Variants in XRCC1 observed in about 807,000 individuals in gnomAD.
XRCC1 encodes DNA repair protein XRCC1.
In XRCC1, 52 loss-of-function variants were observed where a neutral mutation model predicts 83.3. The ratio of observed to expected loss-of-function variants is 0.62; its 90% CI spans 0.50 to 0.79. XRCC1 has a LOEUF of 0.79. Among genes scored for constraint, XRCC1 ranks in the 30% least tolerant of loss-of-function variants. The pLI, the probability that XRCC1 is intolerant of heterozygous loss-of-function variation, is 0.00. For missense variants in XRCC1, 793 were observed against 823.5 expected, an observed-to-expected ratio of 0.96 and a Z score of 0.45; for synonymous variants, 281 against 312.6, an observed-to-expected ratio of 0.90 and a Z score of 1.07.
At position 43,560,998 on chromosome 19, in the gene XRCC1, T is replaced by C. The variant is rs749444876; in HGVS notation, c.167A>G (p.His56Arg). ...VLQLEKEEQI[H>R]SVDIGNDGSA... ...GCCATCATTCCCAATGTCCACACTGTGTATCTGCTCCTCCTTCTCCAACTG... is the reference window on the plus strand; with the variant it reads ...GCCATCATTCCCAATGTCCACACTGCGTATCTGCTCCTCCTTCTCCAACTG... Residue 56 changes from histidine to arginine, a missense_variant, in exon 3 of 17, where the codon CAC becomes CGC. His to Arg is a conservative substitution (Grantham distance 29, BLOSUM62 0). Coordinates refer to ENST00000262887, the MANE Select transcript of XRCC1 (RefSeq NM_006297.3). 1 of 1,614,030 alleles carries C rather than the reference T, an allele frequency of 6.2e-7. No homozygotes were observed. The highest frequency in any genetic ancestry group is 8.5e-7 in the Non-Finnish European group (1 of 1,180,016).
intron 3 of XRCC1, among the ~76,000 whole-genome samples, chr19:43,557,766 T>A (rs923762807): frequency 8.8e-6 from 1 of 113,398 alleles, no homozygotes; most frequent in East Asian, 2.8e-4. Context: ...CACTCCAGCC[T>A]GGGCAACAGG....
At chr19:43,550,741 C>T (rs1366241602) in intron 10 of XRCC1, among the ~76,000 whole-genome samples, 25 of 152,224 alleles carry the variant, frequency 1.6e-4, no homozygotes, top group Non-Finnish European at 8.8e-5. Flanking sequence ...GCTGACCTGA[C>T]CTTGTCTCCT....
rs200070339 is a variant in XRCC1 at position 43,545,817 on chromosome 19, C to T, written c.1621+1G>A. 6.2e-7 allele frequency: 1 copy of T among 1,613,538 alleles called. No individual in the cohort carries two copies. The highest frequency in any genetic ancestry group is 1.3e-5 in the African/African-American group (1 of 74,988). ...TCAGGAGGGATGGGGGGATTTCCCACCTGGGAGCTCAGGGACTGGCAGATC... is the reference window on the plus strand; with the variant it reads ...TCAGGAGGGATGGGGGGATTTCCCATCTGGGAGCTCAGGGACTGGCAGATC... On this transcript the variant is annotated splice_donor_variant, in intron 14 of 16. Transcript: ENST00000262887. LOFTEE classifies it high-confidence loss of function.
In XRCC1 at chr19:43,546,974, G is replaced by A; in HGVS notation, c.1203C>T (p.Tyr401=). 2 of 1,613,758 alleles carry A rather than the reference G, an allele frequency of 1.2e-6. No homozygotes were observed. Among genetic ancestry groups the A allele is most frequent in the Non-Finnish European group, 1.7e-6 (2 of 1,179,914 alleles). ...RMRRRLPSQR[Y]LMAGPGSSSE... The stretch of plus-strand genomic sequence containing the variant: ...TGCTGGAACCTGGCCCTGCCATGAG[G>A]TACCTAGGGGACAAATCGGGCCTCA... The change falls in exon 11 of 17, where the codon TAC becomes TAT. Residue 401 remains tyrosine (Y), a synonymous_variant. Transcript: ENST00000262887.
In XRCC1 at chr19:43,544,802, C is replaced by T. The variant is rs118133234; in HGVS notation, c.1622-568G>A. Reference sequence around the variant, plus strand: ...AGGACTACTGAGTAGCACACCACCACGCTCGGCTAATTTTTAAAATGTTTT... The same window carrying T: ...AGGACTACTGAGTAGCACACCACCATGCTCGGCTAATTTTTAAAATGTTTT... On this transcript the variant is annotated intron_variant, in intron 14 of 16. Transcript: ENST00000262887. Among the ~76,000 whole-genome samples the T allele has an allele frequency of 8.7e-4, 132 of 151,832 alleles. 1 individual carries two copies. The East Asian group carries it at 0.021, about 25-fold the overall frequency.
chr19:43,575,459 G>A lies in XRCC1; in HGVS notation c.-1C>T, dbSNP rs2307187. The A allele has an allele frequency of 0.015, 24,204 of 1,612,136 alleles. 271 individuals carry two copies. Among genetic ancestry groups the A allele is most frequent in the Middle Eastern group, 0.056 (339 of 6,052 alleles). On this transcript the variant is annotated 5_prime_UTR_variant, in exon 1 of 17. Transcript: ENST00000262887. ...CATGGCGGAGGCGGATCTCCGGCAT[G>A]TCAACGTCGTGGGCTTCGCCTGGCC...
At chr19:43,564,712 G>A (rs551891794) in intron 2 of XRCC1, among the ~76,000 whole-genome samples, 5 of 151,176 alleles carry the variant, frequency 3.3e-5, no homozygotes, top group South Asian at 2.1e-4. Flanking sequence ...TGCTTAAACC[G>A]GGGGGGCGGA....
chr19:43,546,986 C>T lies in XRCC1; in HGVS notation c.1200-9G>A. On this transcript the variant is annotated splice_polypyrimidine_tract_variant and intron_variant, in intron 10 of 16. Transcript: ENST00000262887. Reference sequence around the variant, plus strand: ...GCCCTGCCATGAGGTACCTAGGGGACAAATCGGGCCTCAGACAAACAGGCC... The same window carrying T: ...GCCCTGCCATGAGGTACCTAGGGGATAAATCGGGCCTCAGACAAACAGGCC... 1 of 1,613,030 alleles carries T rather than the reference C, an allele frequency of 6.2e-7. No individual in the cohort carries two copies. The highest frequency in any genetic ancestry group is 8.5e-7 in the Non-Finnish European group (1 of 1,179,544).
At chr19:43,550,085 C>T (rs1209925601) in intron 10 of XRCC1, among the ~76,000 whole-genome samples, 2 of 152,096 alleles carry the variant, frequency 1.3e-5, no homozygotes, top group Non-Finnish European at 2.9e-5. Flanking sequence ...CCCATCAAAC[C>T]TTCTGTGACT....
chr19:43,571,204 C>G (rs535264059), intron 2 of XRCC1, among the ~76,000 whole-genome samples: 6 of 152,280 alleles, frequency 3.9e-5, no homozygotes, highest in South Asian at 2.1e-4. Flanking sequence ...ACCTCATCTC[C>G]TACCTCTCTC....
intron 3 of XRCC1, among the ~76,000 whole-genome samples, chr19:43,558,106 T>A (rs1477455082): frequency 1.3e-5 from 2 of 152,224 alleles, no homozygotes; most frequent in Admixed American, 1.3e-4. Context: ...CTTGGGATTT[T>A]CTGCATAGAC....
intron 2 of XRCC1, among the ~76,000 whole-genome samples, chr19:43,569,816 C>G (rs948750770): frequency 2.0e-5 from 3 of 152,118 alleles, no homozygotes; most frequent in African/African-American, 7.2e-5. Flanking sequence ...TCATCTACAG[C>G]TACACTGAAC....
chr19:43,571,101 C>T (rs1329948313), intron 2 of XRCC1, among the ~76,000 whole-genome samples: 1 of 145,294 alleles, frequency 6.9e-6, no homozygotes, highest in Non-Finnish European at 1.5e-5. Context: ...CCTCCGGTGG[C>T]TCCTATCTCA....
chr19:43,556,646 A>G (rs146149866), intron 3 of XRCC1, among the ~76,000 whole-genome samples: 42 of 152,262 alleles, frequency 2.8e-4, no homozygotes, highest in African/African-American at 9.4e-4. Flanking sequence ...TCTACTAAAA[A>G]TACAAAATTT....
chr19:43,573,486 T>C (rs995007453), intron 2 of XRCC1, among the ~76,000 whole-genome samples: 49 of 150,456 alleles, frequency 3.3e-4, no homozygotes, highest in Non-Finnish European at 5.9e-5. Flanking sequence ...GGGAGAGGAG[T>C]GGATATTTGC....
intron 2 of XRCC1, among the ~76,000 whole-genome samples, chr19:43,563,077 G>A (rs1600056356): frequency 6.6e-6 from 1 of 152,352 alleles, no homozygotes; most frequent in South Asian, 2.1e-4. Context: ...GATGGTGCTG[G>A]AGGAAGGGCC....
At chr19:43,545,498 G>C (rs1972499146) in intron 14 of XRCC1, among the ~76,000 whole-genome samples, 1 of 152,186 alleles carries the variant, frequency 6.6e-6, no homozygotes, top group Non-Finnish European at 1.5e-5. Flanking sequence ...CGGCACCTGA[G>C]CAAGTGAAGC....
Position 43,554,696 on chromosome 19 carries a change from C to T in XRCC1, c.364G>A (p.Glu122Lys), listed in dbSNP as rs909380093. ...GPDKLVRAAA[E>K]KRWDRVKIVC... ...ATTTTGACCCGGTCCCAGCGCTTCT[C>T]GGCGGCTGCCCGGACCAGCTTGTCA... Residue 122 changes from glutamate to lysine, a missense_variant, in exon 4 of 17, where the codon GAG becomes AAG. By Grantham distance (56) the Glu-to-Lys change is moderately conservative. Coordinates refer to ENST00000262887, the MANE Select transcript of XRCC1 (RefSeq NM_006297.3). The T allele has an allele frequency of 8.1e-6, 13 of 1,613,868 alleles. No individual in the cohort carries two copies. Among genetic ancestry groups the T allele is most frequent in the Admixed American group, 6.7e-5 (4 of 59,986 alleles).
At chr19:43,566,584 T>C (rs1972755412) in intron 2 of XRCC1, among the ~76,000 whole-genome samples, 1 of 136,300 alleles carries the variant, frequency 7.3e-6, no homozygotes, top group Non-Finnish European at 1.6e-5. Context: ...CTGATAAAAA[T>C]GTTTATACAT....
Sources: gnomAD v4.1 joint callset for allele counts (sites outside exome capture counted in the v4.1 genomes callset) on GRCh38, gnomAD v4.1.1 for gene constraint, MANE v1.5 for transcripts, NCBI Gene and HGNC (gene_info 2026-07-23, HGNC 2026-07-21) for gene names.